The following SLC24A2 variants were observed in gnomAD, a reference collection of about 807,000 sequenced individuals.
The protein encoded by SLC24A2 is sodium/potassium/calcium exchanger 2.
In SLC24A2, 36 loss-of-function variants were observed where a neutral mutation model predicts 62.0. The ratio of observed to expected loss-of-function variants is 0.58; its 90% CI spans 0.44 to 0.77. SLC24A2 has a LOEUF of 0.77. Ranked by LOEUF, SLC24A2 falls within the 30% of genes least tolerant of loss-of-function variation. The pLI is 0.00. For missense variants in SLC24A2, 846 were observed against 817.9 expected (o/e 1.03, Z -0.42); for synonymous variants, 358 against 294.0 (o/e 1.22, Z -2.23).
chr9:19,559,468 C>G (rs183528775), intron 7 of SLC24A2, among the ~76,000 whole-genome samples: 2 of 152,140 alleles, frequency 1.3e-5, no homozygotes, highest in Non-Finnish European at 2.9e-5. Flanking sequence ...TTTAAGTAGA[C>G]TTACTATCAG....
At chr9:19,638,873 A>T (rs1449103676) in intron 2 of SLC24A2, among the ~76,000 whole-genome samples, 1 of 152,258 alleles carries the variant, frequency 6.6e-6, no homozygotes, top group Non-Finnish European at 1.5e-5. Context: ...AGAATCTCCA[A>T]CTGGAGCAAT....
the SLC24A2 span, among the ~76,000 whole-genome samples, chr9:19,963,131 T>C: frequency 1.3e-5 from 2 of 150,238 alleles, no homozygotes; most frequent in Non-Finnish European, 3.0e-5. Context: ...GATTCCCTAT[T>C]TAATAAATGG....
chr9:19,574,324 G>A (rs1238869432), intron 6 of SLC24A2, among the ~76,000 whole-genome samples: 1 of 152,174 alleles, frequency 6.6e-6, no homozygotes, highest in Non-Finnish European at 1.5e-5. Context: ...AAAGCCAGAG[G>A]GTCAGCAAGT....
chr9:19,539,297 A>C (rs1834134927), intron 8 of SLC24A2, among the ~76,000 whole-genome samples: 2 of 109,996 alleles, frequency 1.8e-5, no homozygotes, highest in Non-Finnish European at 3.7e-5. Context: ...TTGTGATGTT[A>C]GGGTGTCAAT....
chr9:19,579,639 A>C (rs1836144196), intron 5 of SLC24A2, among the ~76,000 whole-genome samples: 1 of 152,226 alleles, frequency 6.6e-6, no homozygotes. Context: ...ATAATAATAA[A>C]GCAGGAAAGC....
intron 2 of SLC24A2, among the ~76,000 whole-genome samples, chr9:19,704,410 T>TGC (rs1339937881): frequency 1.3e-5 from 2 of 152,008 alleles, no homozygotes; most frequent in Non-Finnish European, 2.9e-5. Flanking sequence ...AGAGAGTGTG[T>TGC]GTATGTGCAA....
At chr9:19,621,002 A>G (rs1046129463) in intron 3 of SLC24A2, among the ~76,000 whole-genome samples, 2 of 152,196 alleles carry the variant, frequency 1.3e-5, no homozygotes, top group Non-Finnish European at 1.5e-5. Context: ...GGAAAGTGCT[A>G]TATCCTAGAC....
chr9:19,841,315 G>A, the SLC24A2 span, among the ~76,000 whole-genome samples: 3 of 152,104 alleles, frequency 2.0e-5, no homozygotes, highest in Non-Finnish European at 4.4e-5. Flanking sequence ...AGGTGTCCAG[G>A]GATGCCATCA....
the SLC24A2 span, among the ~76,000 whole-genome samples, chr9:20,022,254 C>T: frequency 8.5e-5 from 13 of 152,254 alleles, no homozygotes; most frequent in African/African-American, 2.4e-4. Context: ...CCATATACCA[C>T]AAACAGGTAA....
chr9:20,158,533 C>A, the SLC24A2 span, among the ~76,000 whole-genome samples: 1 of 151,598 alleles, frequency 6.6e-6, no homozygotes, highest in Admixed American at 6.6e-5. Flanking sequence ...TGCAACTTCC[C>A]AGGATCTTGA....
the SLC24A2 span, among the ~76,000 whole-genome samples, chr9:20,130,586 TAATGGGAAATGTAGGAAATAGGA>T: frequency 6.6e-6 from 1 of 151,952 alleles, no homozygotes; most frequent in African/African-American, 2.4e-5. Context: ...TTTGTTGATT[TAATGGGAAATGTAGGAAATAGGA>T]AATGGGAAAT....
the SLC24A2 span, among the ~76,000 whole-genome samples, chr9:20,111,914 G>A: frequency 6.6e-6 from 1 of 152,074 alleles, no homozygotes; most frequent in Non-Finnish European, 1.5e-5. Context: ...GTAAAGATTT[G>A]TTGATTTTCA....
At chr9:20,016,180 A>G in the SLC24A2 span, among the ~76,000 whole-genome samples, 1 of 152,220 alleles carries the variant, frequency 6.6e-6, no homozygotes, top group African/African-American at 2.4e-5. Flanking sequence ...TTCCAAAGAA[A>G]CATATTTCTA....
the SLC24A2 span, among the ~76,000 whole-genome samples, chr9:20,183,161 A>T: frequency 4.6e-5 from 7 of 152,120 alleles, no homozygotes; most frequent in African/African-American, 1.7e-4. Context: ...TCTTCACGGG[A>T]GCATTTAGTG....
the SLC24A2 span, among the ~76,000 whole-genome samples, chr9:19,909,508 T>A: frequency 6.6e-6 from 1 of 152,016 alleles, no homozygotes; most frequent in African/African-American, 2.4e-5. Context: ...GACTTTAGGT[T>A]TATATACAAT....
chr9:19,528,486 C>G (rs1448558986), intron 8 of SLC24A2, among the ~76,000 whole-genome samples: 1 of 152,120 alleles, frequency 6.6e-6, no homozygotes, highest in African/African-American at 2.4e-5. Context: ...ACACCATATT[C>G]TCCCTCCTCC....
the SLC24A2 span, among the ~76,000 whole-genome samples, chr9:19,900,646 C>A: frequency 6.6e-5 from 10 of 152,258 alleles, no homozygotes; most frequent in South Asian, 2.1e-4. Flanking sequence ...ACAAAGTATG[C>A]AAATAACTTA....
the SLC24A2 span, among the ~76,000 whole-genome samples, chr9:20,232,259 T>C: frequency 6.6e-6 from 1 of 152,176 alleles, no homozygotes; most frequent in Non-Finnish European, 1.5e-5. Flanking sequence ...TAAAATGAGT[T>C]AGGGAGGATT....
At chr9:19,743,353 T>C (rs913163920) in intron 2 of SLC24A2, among the ~76,000 whole-genome samples, 7 of 152,186 alleles carry the variant, frequency 4.6e-5, no homozygotes, top group African/African-American at 1.7e-4. Context: ...AGCTGCTTTT[T>C]AAGGAAACAG....
Sources: allele counts gnomAD v4.1 joint callset (sites outside exome capture counted in the v4.1 genomes callset), GRCh38; gene constraint gnomAD v4.1.1; transcripts MANE v1.5; gene names NCBI Gene and HGNC (gene_info 2026-07-23, HGNC 2026-07-21).